The following FNTB variants were observed in gnomAD, a reference collection of about 807,000 sequenced individuals.
FNTB encodes farnesyltransferase, CAAX box, subunit beta, also known as protein farnesyltransferase subunit beta.
FNTB carries 27 observed loss-of-function variants against 59.4 expected under a neutral mutation model. That is an observed-to-expected ratio of 0.45 (90% CI 0.34 to 0.63). FNTB has a LOEUF of 0.63. Ranked by LOEUF, FNTB falls within the 20% of genes least tolerant of loss-of-function variation. The probability of loss-of-function intolerance (pLI) is 0.02; values close to 1 mark genes in which losing one functional copy is unlikely to be tolerated. For synonymous variants in FNTB, 230 were observed against 220.7 expected, an observed-to-expected ratio of 1.04 and a Z score of -0.37; for missense variants, 449 against 559.6, an observed-to-expected ratio of 0.80 and a Z score of 1.99.
Position 64,991,306 on chromosome 14 carries a change from A to G in FNTB, c.144+4209A>G. ...TTCTTTTATCTTAGAGAGATAAAAA[A>G]GAATATGCTGTAAGGCCGAGTGCGG... On this transcript the variant is annotated intron_variant, in intron 1 of 11. Coordinates refer to ENST00000246166, the MANE Select transcript of FNTB (RefSeq NM_002028.4). The surrounding 1 kb of genome is among the most constrained non-coding windows in gnomAD (Gnocchi z 4.4). Among the ~76,000 whole-genome samples the G allele has an allele frequency of 6.6e-6, 1 of 152,152 alleles. No homozygotes were observed. The highest frequency in any genetic ancestry group is 1.9e-4 in the East Asian group (1 of 5,194).
At chr14:65,021,945 C>T (rs562215707) in intron 4 of FNTB, 61 of 456,056 alleles carry the variant, frequency 1.3e-4, no homozygotes, top group African/African-American at 1.2e-3. Context: ...TGCGCCCGGC[C>T]TATAGTAGCC....
Position 65,044,105 on chromosome 14 carries a change from CTCTACAGCG to C in FNTB, c.823-204_823-196del, listed in dbSNP as rs2062421152. The stretch of plus-strand genomic sequence containing the variant: ...TTGAGCAGAGATCAGTGCTGGATGC[CTCTACAGCG>C]TTGGCTTAAATGCTTCACTCTGTGT... On this transcript the variant is annotated intron_variant, in intron 8 of 11. Coordinates refer to ENST00000246166, the MANE Select transcript of FNTB (RefSeq NM_002028.4). This position sits in a 1 kb window ranked among gnomAD's most constrained non-coding sequence, Gnocchi z 5.5. Among the ~76,000 whole-genome samples, 1 of 152,144 alleles carries C rather than the reference CTCTACAGCG, an allele frequency of 6.6e-6. No individual in the cohort carries two copies. Among genetic ancestry groups the C allele is most frequent in the African/African-American group, 2.4e-5 (1 of 41,424 alleles).
intron 4 of FNTB, among the ~76,000 whole-genome samples, chr14:65,021,167 A>G (rs2061879620): frequency 6.6e-6 from 1 of 152,226 alleles, no homozygotes; most frequent in Admixed American, 6.5e-5. Context: ...TCTAATGAGA[A>G]TCCCATTCTT....
At chr14:65,040,695 C>A in intron 7 of FNTB, 95 bp from the exon 8 acceptor site, 1 of 1,277,598 alleles carries the variant, frequency 7.8e-7, no homozygotes, top group Non-Finnish European at 1.0e-6. Flanking sequence ...ACACCTTAAT[C>A]TGAGTGAACT....
chr14:65,052,085 G>A (rs762944318), intron 9 of FNTB, among the ~76,000 whole-genome samples: 2 of 152,044 alleles, frequency 1.3e-5, no homozygotes, highest in African/African-American at 4.8e-5. Context: ...ATAAGCCATC[G>A]TGCCTGGCCC....
chr14:65,024,701 A>G (rs1210287410), intron 4 of FNTB, among the ~76,000 whole-genome samples: 1 of 152,164 alleles, frequency 6.6e-6, no homozygotes, highest in Non-Finnish European at 1.5e-5. Context: ...GTGTTTGTAC[A>G]ATGTTTTTTG....
In FNTB at chr14:65,001,257, A is replaced by G. The variant is rs1182424359; in HGVS notation, c.145-2992A>G. 1.3e-5 allele frequency among the ~76,000 whole-genome samples: 2 copies of G among 152,234 alleles called. No homozygotes were observed. Among genetic ancestry groups the G allele is most frequent in the East Asian group, 3.8e-4 (2 of 5,206 alleles). ...CTACATATACCACAGTGGTCTGGAAAGATTATAGTACTGTATTTTCACTCT... is the reference window on the plus strand; with the variant it reads ...CTACATATACCACAGTGGTCTGGAAGGATTATAGTACTGTATTTTCACTCT... On this transcript the variant is annotated intron_variant, in intron 1 of 11. Coordinates refer to ENST00000246166, the MANE Select transcript of FNTB (RefSeq NM_002028.4). The surrounding 1 kb of genome is among the most constrained non-coding windows in gnomAD (Gnocchi z 5.5).
rs1236334099 is a variant in FNTB, at chr14:64,990,901, A to G, written c.144+3804A>G. On this transcript the variant is annotated intron_variant, in intron 1 of 11. Coordinates refer to ENST00000246166, the MANE Select transcript of FNTB (RefSeq NM_002028.4). This position sits in a 1 kb window ranked among gnomAD's most constrained non-coding sequence, Gnocchi z 5.2. The stretch of plus-strand genomic sequence containing the variant: ...ATGGTCAGCTCTGGATATTTTTATG[A>G]AGGTCTCTACCTTGCTAAGCTGTTT... 6.6e-6 allele frequency among the ~76,000 whole-genome samples: 1 copy of G among 152,110 alleles called. No homozygotes were observed. The highest frequency in any genetic ancestry group is 2.4e-5 in the African/African-American group (1 of 41,412).
At chr14:64,987,240 C>T (rs1594975517) in intron 1 of FNTB, 143 bp downstream of exon 1, 3 of 1,013,872 alleles carry the variant, frequency 3.0e-6, no homozygotes, top group East Asian at 5.2e-5. Flanking sequence ...TGGGAAGCTC[C>T]GGGCGCCCAG....
chr14:64,995,302 A>G, intron 1 of FNTB, among the ~76,000 whole-genome samples: 1 of 152,348 alleles, frequency 6.6e-6, no homozygotes, highest in Middle Eastern at 3.4e-3. Context: ...AATTTTTTAA[A>G]TAAGTAGAGT....
chr14:65,030,048 C>T lies in FNTB; in HGVS notation c.605+2267C>T, dbSNP rs763764488. ...AGAAATACATGAAAAGGTTGTATTA[C>T]GTTTCCTCCCCATCTCAGCGTGAGA... On this transcript the variant is annotated intron_variant, in intron 6 of 11. Coordinates refer to ENST00000246166, the MANE Select transcript of FNTB (RefSeq NM_002028.4). The surrounding 1 kb of genome is among the most constrained non-coding windows in gnomAD (Gnocchi z 4.5). 2.6e-5 allele frequency among the ~76,000 whole-genome samples: 4 copies of T among 152,110 alleles called. No individual in the cohort carries two copies. The highest frequency in any genetic ancestry group is 1.3e-4 in the Admixed American group (2 of 15,270).
At chr14:64,987,196 A>G (rs1887979547) in intron 1 of FNTB, 99 bp downstream of exon 1, 2 of 1,389,006 alleles carry the variant, frequency 1.4e-6, no homozygotes, top group Non-Finnish European at 9.9e-7. Context: ...CCGGGGAACT[A>G]CGACTCCCAC....
At position 65,028,868 on chromosome 14, in the gene FNTB, A is replaced by G. The variant is rs1260682143; in HGVS notation, c.605+1087A>G. Among the ~76,000 whole-genome samples the G allele has an allele frequency of 6.6e-6, 1 of 152,212 alleles. No individual in the cohort carries two copies. Among genetic ancestry groups the G allele is most frequent in the African/African-American group, 2.4e-5 (1 of 41,468 alleles). The stretch of plus-strand genomic sequence containing the variant: ...GTTCCTGTTCTGTTGCTATTCCCCC[A>G]AAATATGCACAGTCTTGAAACGCAG... On this transcript the variant is annotated intron_variant, in intron 6 of 11. Coordinates refer to ENST00000246166, the MANE Select transcript of FNTB (RefSeq NM_002028.4). This position sits in a 1 kb window ranked among gnomAD's most constrained non-coding sequence, Gnocchi z 4.4.
chr14:65,051,480 G>A (rs2062608643), intron 9 of FNTB, among the ~76,000 whole-genome samples: 1 of 151,888 alleles, frequency 6.6e-6, no homozygotes. Flanking sequence ...GCATGGTGGT[G>A]CATGCCTGTA....
At position 65,061,358 on chromosome 14, in the gene FNTB, A is replaced by G; in HGVS notation, c.*46A>G. ...TCTTTGCTCACCCATCTCCCCAGTC[A>G]GACAAGGTTTATACGTTTCAATACA... is the stretch of plus-strand genomic sequence containing the variant. On this transcript the variant is annotated 3_prime_UTR_variant, in exon 12 of 12. Transcript: ENST00000246166. 3 of 1,611,604 alleles carry G rather than the reference A, an allele frequency of 1.9e-6. No individual in the cohort carries two copies. Among genetic ancestry groups the G allele is most frequent in the Non-Finnish European group, 2.5e-6 (3 of 1,179,552 alleles).
rs566694445 is a variant in FNTB at position 65,011,833 on chromosome 14, C to T, written c.210-484C>T. 5.9e-5 allele frequency among the ~76,000 whole-genome samples: 9 copies of T among 152,244 alleles called. No individual in the cohort carries two copies. The South Asian group carries it at 1.0e-3, about 18-fold the overall frequency. ...AGGGAGAGAATAATAGTTGGATAAC[C>T]GAGAGGCAGGCAGGGAGTAAATTAT... On this transcript the variant is annotated intron_variant, in intron 2 of 11. Coordinates refer to ENST00000246166, the MANE Select transcript of FNTB (RefSeq NM_002028.4). This position sits in a 1 kb window ranked among gnomAD's most constrained non-coding sequence, Gnocchi z 4.0.
chr14:65,021,261 T>G (rs899761427), intron 4 of FNTB, among the ~76,000 whole-genome samples: 1 of 152,230 alleles, frequency 6.6e-6, no homozygotes, highest in African/African-American at 2.4e-5. Context: ...TGTTTTTAGC[T>G]TCTGTAAGAT....
chr14:65,037,835 C>T (rs766540484), intron 7 of FNTB, among the ~76,000 whole-genome samples: 29 of 150,206 alleles, frequency 1.9e-4, no homozygotes, highest in African/African-American at 4.7e-4. Context: ...GGCTGGAGTG[C>T]GGTGGTGCAG....
chr14:65,053,625 T>TAAAAAAAAAACAAAA (rs201558638), intron 10 of FNTB, among the ~76,000 whole-genome samples: 2,221 of 146,002 alleles, frequency 0.015, 21 homozygotes, highest in Admixed American at 0.021. Context: ...CTTCTTTTTT[T>TAAAAAAAAAACAAAA]TAAAAAAAAC....
Sources: gnomAD v4.1 joint callset for allele counts (sites outside exome capture counted in the v4.1 genomes callset) on GRCh38, gnomAD v4.1.1 for gene constraint, Gnocchi (gnomAD v3.1) non-coding constraint, MANE v1.5 for transcripts, NCBI Gene and HGNC (gene_info 2026-07-23, HGNC 2026-07-21) for gene names.